The following ARFGEF1 variants were observed in gnomAD, a reference collection of about 807,000 sequenced individuals.
ARFGEF1 encodes the protein brefeldin A-inhibited guanine nucleotide-exchange protein 1.
ARFGEF1 carries 42 observed loss-of-function variants against 231.0 expected under a neutral mutation model. The observed-to-expected ratio is 0.18, with a 90% confidence interval of 0.14 to 0.24. The LOEUF (loss-of-function observed/expected upper bound fraction) is 0.24. ARFGEF1 is among the 10% of genes least tolerant of loss of function. The pLI is 1.00. For missense variants in ARFGEF1, 1,345 were observed against 2,192.0 expected (o/e 0.61, Z 7.72); for synonymous variants, 710 against 732.3 (o/e 0.97, Z 0.49).
Position 67,226,081 on chromosome 8 carries a change from C to G in ARFGEF1, c.4019G>C (p.Ser1340Thr). Reference sequence around the variant, plus strand: ...GCGAATAAGTCGAATTGCTTCCATACTTGTGTCTGGGAAAGCTGCATTGCA... The same window carrying G: ...GCGAATAAGTCGAATTGCTTCCATAGTTGTGTCTGGGAAAGCTGCATTGCA... ...FACNAAFPDT[S>T]MEAIRLIRHC... The change falls in exon 28 of 39, where the codon AGT becomes ACT. Residue 1340 changes from serine (S) to threonine (T), a missense_variant. This residue lies in a region of ARFGEF1 where 142 missense variants were observed against 227.3 expected (regional missense o/e 0.62). Coordinates refer to ENST00000262215, the MANE Select transcript of ARFGEF1 (RefSeq NM_006421.5). The G allele has an allele frequency of 1.2e-6, 2 of 1,613,390 alleles. No individual in the cohort carries two copies. Among genetic ancestry groups the G allele is most frequent in the Non-Finnish European group, 1.7e-6 (2 of 1,179,580 alleles).
chr8:67,189,210 C>G (rs1445222154), intron 5 of ARFGEF1, among the ~76,000 whole-genome samples: 3 of 152,182 alleles, frequency 2.0e-5, no homozygotes, highest in Non-Finnish European at 4.4e-5. Context: ...AGTATGGCAG[C>G]TTCTTACAAA....
At chr8:67,326,821 C>G (rs1450777527) in intron 1 of ARFGEF1, among the ~76,000 whole-genome samples, 2 of 152,124 alleles carry the variant, frequency 1.3e-5, no homozygotes, top group Non-Finnish European at 2.9e-5. Context: ...TTCCAAGAAC[C>G]TATATCAATG....
At chr8:67,228,337 T>A (rs1182507561) in intron 23 of ARFGEF1, 73 bp from the exon 24 acceptor site, 1 of 1,393,324 alleles carries the variant, frequency 7.2e-7, no homozygotes, top group African/African-American at 1.5e-5. Context: ...GTATGTGGCA[T>A]GGGGTACTAG....
rs766586260 is a variant in ARFGEF1, at chr8:67,301,260, A to C, written c.276T>G (p.Cys92Trp). 6 of 1,613,664 alleles carry C rather than the reference A, an allele frequency of 3.7e-6. No homozygotes were observed. Among genetic ancestry groups the C allele is most frequent in the Non-Finnish European group, 5.1e-6 (6 of 1,179,956 alleles). The change falls in exon 3 of 39, where the codon TGT becomes TGG. Residue 92 changes from cysteine (C) to tryptophan (W), a missense_variant. Cys to Trp is a radical substitution (Grantham distance 215). Coordinates refer to ENST00000262215, the MANE Select transcript of ARFGEF1 (RefSeq NM_006421.5). Reference sequence around the variant, plus strand: ...CTAGAGATGTACTAACTATGCGAGGACATTTGGACTGGCATGCCAACTCAA... The same window carrying C: ...CTAGAGATGTACTAACTATGCGAGGCCATTTGGACTGGCATGCCAACTCAA... The part of the protein sequence containing the change: ...LPFELACQSK[C>W]PRIVSTSLDC...
At chr8:67,178,328 G>A (rs558951605) in intron 5 of ARFGEF1, among the ~76,000 whole-genome samples, 3 of 152,198 alleles carry the variant, frequency 2.0e-5, no homozygotes, top group South Asian at 4.1e-4. Context: ...TCCTGAGGGG[G>A]GTACTTTTTG....
intron 29 of ARFGEF1, among the ~76,000 whole-genome samples, chr8:67,224,136 G>A (rs1437234152): frequency 2.6e-5 from 4 of 152,042 alleles, no homozygotes; most frequent in African/African-American, 4.8e-5. Context: ...CAAAAAATTC[G>A]ATAAAGTTAC....
intron 1 of ARFGEF1, among the ~76,000 whole-genome samples, chr8:67,340,849 T>C (rs79938254): frequency 1.8e-4 from 27 of 152,302 alleles, no homozygotes; most frequent in Admixed American, 1.2e-3. Flanking sequence ...AAATCTGGAA[T>C]AGACAACCCT....
intron 23 of ARFGEF1, among the ~76,000 whole-genome samples, chr8:67,231,084 G>C (rs1252776627): frequency 6.6e-6 from 1 of 151,978 alleles, no homozygotes; most frequent in African/African-American, 2.4e-5. Context: ...TGTCTGCTGG[G>C]TAAGTACAGA....
chr8:67,258,305 G>A lies in ARFGEF1; in HGVS notation c.2236-15C>T. The A allele has an allele frequency of 2.0e-6, 3 of 1,477,822 alleles. No homozygotes were observed. The highest frequency in any genetic ancestry group is 9.3e-7 in the Non-Finnish European group (1 of 1,073,224). 91.5% of individuals were successfully genotyped at this position (1,477,822 alleles called of 1,614,324 possible). A position where few individuals can be genotyped will look rare whatever the true frequency, so the allele number is the denominator to read the frequency against. On this transcript the variant is annotated splice_polypyrimidine_tract_variant and intron_variant, in intron 15 of 38. Transcript: ENST00000262215. The stretch of plus-strand genomic sequence containing the variant: ...CCCACTTGAGTCTAAAGTAAAAACA[G>A]AGATAGAAATTGATATTTTCTTTCT...
chr8:67,230,970 C>T (rs1245664570), intron 23 of ARFGEF1, among the ~76,000 whole-genome samples: 1 of 151,968 alleles, frequency 6.6e-6, no homozygotes, highest in Non-Finnish European at 1.5e-5. Context: ...GGTTAATAAA[C>T]CAGAAGCTAT....
intron 4 of ARFGEF1, among the ~76,000 whole-genome samples, chr8:67,297,726 G>T (rs1323309827): frequency 1.3e-5 from 2 of 151,868 alleles, no homozygotes; most frequent in Admixed American, 6.6e-5. Flanking sequence ...GCTATGCAGG[G>T]TCAGCATTAA....
chr8:67,241,691 C>T (rs1260235308), intron 19 of ARFGEF1, among the ~76,000 whole-genome samples: 1 of 151,996 alleles, frequency 6.6e-6, no homozygotes, highest in East Asian at 1.9e-4. Flanking sequence ...ATCCCCCATG[C>T]AGGAACACCA....
intron 1 of ARFGEF1, among the ~76,000 whole-genome samples, chr8:67,337,293 T>C (rs1459383504): frequency 6.6e-6 from 1 of 152,134 alleles, no homozygotes; most frequent in Non-Finnish European, 1.5e-5. Flanking sequence ...AAAATCTATT[T>C]CCCAAAGGCT....
intron 23 of ARFGEF1, 132 bp downstream of exon 23, chr8:67,232,723 C>A: frequency 1.5e-6 from 1 of 669,924 alleles, no homozygotes; most frequent in Non-Finnish European, 2.4e-6. Context: ...TAAATCACAG[C>A]ATATCACAAT....
chr8:67,196,279 T>C (rs1837921555), downstream of ARFGEF1: 1 of 152,250 alleles, frequency 6.6e-6, no homozygotes, highest in Non-Finnish European at 1.5e-5. Flanking sequence ...TTAACTACTA[T>C]GGAGCTTTCT....
chr8:67,259,259 C>T (rs1840564963), intron 15 of ARFGEF1, among the ~76,000 whole-genome samples: 2 of 152,324 alleles, frequency 1.3e-5, no homozygotes, highest in African/African-American at 2.4e-5. Flanking sequence ...CAGACTCTCA[C>T]TCTGTAGCCC....
At chr8:67,236,363 A>AAAAATATAT (rs1839753527) in intron 22 of ARFGEF1, among the ~76,000 whole-genome samples, 1 of 37,674 alleles carries the variant, frequency 2.7e-5, no homozygotes, top group Non-Finnish European at 4.6e-5. Context: ...AAAAAAAAAA[A>AAAAATATAT]AAATATATAT....
intron 34 of ARFGEF1, among the ~76,000 whole-genome samples, chr8:67,210,747 T>C (rs1020630841): frequency 3.3e-5 from 5 of 152,066 alleles, no homozygotes; most frequent in African/African-American, 1.2e-4. Context: ...CAAATTAGGA[T>C]AAACACAGTA....
chr8:67,282,734 GCTC>G (rs773490028), intron 7 of ARFGEF1, among the ~76,000 whole-genome samples: 10 of 151,832 alleles, frequency 6.6e-5, no homozygotes, highest in Non-Finnish European at 1.2e-4. Context: ...TGTAATCCCA[GCTC>G]CTCAAGAGGC....
Sources: gnomAD v4.1 joint callset for allele counts (sites outside exome capture counted in the v4.1 genomes callset) on GRCh38, gnomAD v4.1.1 for gene constraint, gnomAD v4.1.1 regional missense constraint, MANE v1.5 for transcripts, NCBI Gene and HGNC (gene_info 2026-07-23, HGNC 2026-07-21) for gene names.